The following RNF216 variants were observed in gnomAD, a reference collection of about 807,000 sequenced individuals.
The protein encoded by RNF216 is ring finger protein 216, also known as E3 ubiquitin-protein ligase RNF216.
Under a neutral mutation model 110.8 loss-of-function variants are expected in RNF216, and 72 were observed. That is an observed-to-expected ratio of 0.65 (90% CI 0.54 to 0.79). RNF216 has a LOEUF of 0.79. Ranked by LOEUF, RNF216 falls within the 30% of genes least tolerant of loss-of-function variation. The probability of loss-of-function intolerance (pLI) is 0.00; values close to 1 mark genes in which losing one functional copy is unlikely to be tolerated. For missense variants in RNF216, 1,342 were observed against 1,141.2 expected (o/e 1.18, Z -2.54); for synonymous variants, 495 against 407.5 (o/e 1.21, Z -2.59).
Position 5,650,192 on chromosome 7 carries a change from G to A in RNF216, c.2159+2221C>T, listed in dbSNP as rs1293563598. Among the ~76,000 whole-genome samples the A allele has an allele frequency of 8.5e-5, 13 of 152,264 alleles. No individual in the cohort carries two copies. The East Asian group carries it at 2.5e-3, about 29-fold the overall frequency. On this transcript the variant is annotated intron_variant, in intron 14 of 16. Coordinates refer to ENST00000389902, the MANE Select transcript of RNF216 (RefSeq NM_207111.4). ...TGACAGAAGCATCCTCTATCACTAAGGAAGAAGCCCAACATTTGGGAGGCT... is the reference window on the plus strand; with the variant it reads ...TGACAGAAGCATCCTCTATCACTAAAGAAGAAGCCCAACATTTGGGAGGCT...
In RNF216 at chr7:5,741,551, G is replaced by T; in HGVS notation, c.466C>A (p.Pro156Thr). 6.2e-7 allele frequency: 1 copy of T among 1,614,142 alleles called. No homozygotes were observed. The highest frequency in any genetic ancestry group is 1.3e-5 in the African/African-American group (1 of 75,034). Residue 156 changes from proline (P) to threonine (T), a missense_variant, in exon 4 of 17, where the codon CCC (proline) becomes ACC (threonine). By Grantham distance (38) the Pro-to-Thr change is conservative (BLOSUM62 -1). Coordinates refer to ENST00000389902, the MANE Select transcript of RNF216 (RefSeq NM_207111.4). The part of the protein sequence containing the change: ...TKPSGQTERE[P>T]KPGPSHNQAA... ...TGGTTATGACTCGGTCCAGGCTTGG[G>T]TTCTCTTTCTGTTTGGCCACTTGGC... is the stretch of plus-strand genomic sequence containing the variant.
intron 1 of RNF216, among the ~76,000 whole-genome samples, chr7:5,779,787 C>T (rs1268679525): frequency 5.5e-5 from 8 of 145,424 alleles, no homozygotes; most frequent in African/African-American, 2.0e-4. Flanking sequence ...AGAGATGGCA[C>T]CACTGCACTT....
At chr7:5,639,430 T>A (rs542487706) in intron 15 of RNF216, among the ~76,000 whole-genome samples, 1 of 152,200 alleles carries the variant, frequency 6.6e-6, no homozygotes, top group African/African-American at 2.4e-5. Context: ...GAACCCAAAG[T>A]GCCGGGATTA....
At chr7:5,756,412 G>A (rs1795646816) in intron 2 of RNF216, among the ~76,000 whole-genome samples, 1 of 152,134 alleles carries the variant, frequency 6.6e-6, no homozygotes, top group South Asian at 2.1e-4. Context: ...GGCCCGCGAG[G>A]CTAAAATATT....
intron 10 of RNF216, among the ~76,000 whole-genome samples, chr7:5,716,280 T>C (rs1793057381): frequency 6.6e-6 from 1 of 151,890 alleles, no homozygotes; most frequent in African/African-American, 2.4e-5. Context: ...GAGGTTGAGA[T>C]GGGTGGATCA....
chr7:5,725,423 T>A lies in RNF216; in HGVS notation c.1405A>T (p.Ile469Phe), dbSNP rs1225278715. 6.2e-7 allele frequency: 1 copy of A among 1,610,418 alleles called. No homozygotes were observed. The highest frequency in any genetic ancestry group is 1.3e-5 in the African/African-American group (1 of 74,858). Reference protein sequence around the residue: ...AITRKALSDAIKKWQELSPET... With the variant: ...AITRKALSDAFKKWQELSPET... ...GGTGACAGCTCCTGCCATTTTTTAA[T>A]GGCATCAGACAAGGCCTAAAAATTG... The change falls in exon 8 of 17, where the codon ATT (isoleucine) becomes TTT (phenylalanine). Residue 469 changes from isoleucine (I) to phenylalanine (F), a missense_variant. Coordinates refer to ENST00000389902, the MANE Select transcript of RNF216 (RefSeq NM_207111.4).
chr7:5,723,201 G>C (rs1448004285), intron 8 of RNF216, among the ~76,000 whole-genome samples: 2 of 152,090 alleles, frequency 1.3e-5, no homozygotes, highest in South Asian at 2.1e-4. Flanking sequence ...AAAGTGACTG[G>C]TACATATTAA....
intron 5 of RNF216, among the ~76,000 whole-genome samples, chr7:5,735,237 G>A (rs1482592168): frequency 1.3e-5 from 2 of 152,148 alleles, no homozygotes; most frequent in African/African-American, 4.8e-5. Context: ...TGCCCTTGGG[G>A]ACTTGAAAGA....
At chr7:5,685,848 G>C (rs1186156449) in intron 13 of RNF216, among the ~76,000 whole-genome samples, 1 of 152,182 alleles carries the variant, frequency 6.6e-6, no homozygotes, top group Non-Finnish European at 1.5e-5. Flanking sequence ...CTGGACAAAA[G>C]CAAAACATTT....
chr7:5,770,797 A>G (rs1157947209), intron 1 of RNF216, among the ~76,000 whole-genome samples: 1 of 151,874 alleles, frequency 6.6e-6, no homozygotes, highest in Non-Finnish European at 1.5e-5. Flanking sequence ...AGTGCAGAAC[A>G]GATTCTTTTT....
rs563331960 is a variant in RNF216 at position 5,696,577 on chromosome 7, G to A, written c.2061+15184C>T. Among the ~76,000 whole-genome samples the A allele has an allele frequency of 2.0e-5, 3 of 152,258 alleles. No homozygotes were observed. The highest frequency in any genetic ancestry group is 1.9e-4 in the East Asian group (1 of 5,188). ...CTCCTAGACACGCGTGCCCAAGATCGTGTCCTATGGTCTCGCTTCGGCCGC... is the reference window on the plus strand; with the variant it reads ...CTCCTAGACACGCGTGCCCAAGATCATGTCCTATGGTCTCGCTTCGGCCGC... On this transcript the variant is annotated intron_variant, in intron 13 of 16. Transcript: ENST00000389902. The surrounding 1 kb of genome is among the most constrained non-coding windows in gnomAD (Gnocchi z 5.4).
chr7:5,721,042 C>T lies in RNF216; in HGVS notation c.1635G>A (p.Glu545=), dbSNP rs1192867663. ...GAGCACATCTTCCTACCTCTGCCAT[C>T]TCTTTGATTTTCTGCTCATAGAACT... is the stretch of plus-strand genomic sequence containing the variant. The part of the protein sequence containing the change: ...EQEFYEQKIK[E]MAEHEDFLLA... Residue 545 remains glutamate, a synonymous_variant, in exon 9 of 17, where the codon GAG becomes GAA. Transcript: ENST00000389902. The T allele has an allele frequency of 6.2e-7, 1 of 1,614,076 alleles. No homozygotes were observed. Among genetic ancestry groups the T allele is most frequent in the Admixed American group, 1.7e-5 (1 of 59,994 alleles).
intron 14 of RNF216, among the ~76,000 whole-genome samples, chr7:5,649,087 G>T (rs1788224903): frequency 1.3e-5 from 2 of 152,134 alleles, no homozygotes; most frequent in African/African-American, 4.8e-5. Flanking sequence ...TTAAAAACAA[G>T]AAAGTGACGG....
chr7:5,640,088 G>A (rs2128566596), intron 15 of RNF216, among the ~76,000 whole-genome samples: 1 of 150,754 alleles, frequency 6.6e-6, no homozygotes, highest in South Asian at 2.1e-4. Flanking sequence ...AATGAGATGG[G>A]GGTCTCACTA....
At chr7:5,663,085 G>A (rs1789255197) in intron 13 of RNF216, among the ~76,000 whole-genome samples, 1 of 152,134 alleles carries the variant, frequency 6.6e-6, no homozygotes, top group African/African-American at 2.4e-5. Flanking sequence ...AAACCCAAAT[G>A]ACCCGGGAAG....
intron 9 of RNF216, among the ~76,000 whole-genome samples, chr7:5,720,459 T>C (rs748854238): frequency 5.3e-5 from 8 of 152,226 alleles, no homozygotes; most frequent in Non-Finnish European, 8.8e-5. Context: ...TCGACTATTA[T>C]GGGTAAGGCT....
At chr7:5,756,841 G>A (rs545182921) in intron 2 of RNF216, among the ~76,000 whole-genome samples, 2 of 151,876 alleles carry the variant, frequency 1.3e-5, no homozygotes, top group African/African-American at 2.4e-5. Flanking sequence ...TCACCATGTC[G>A]CCCAGGCTGG....
At chr7:5,729,951 G>C (rs143348337) in intron 6 of RNF216, among the ~76,000 whole-genome samples, 1,995 of 152,266 alleles carry the variant, frequency 0.013, 19 homozygotes, top group Middle Eastern at 0.061. Context: ...TCAAGCAACA[G>C]ATCTTAATAA....
intron 9 of RNF216, among the ~76,000 whole-genome samples, chr7:5,718,374 C>A (rs1793197935): frequency 6.6e-6 from 1 of 152,120 alleles, no homozygotes; most frequent in South Asian, 2.1e-4. Flanking sequence ...AAGCGAGACT[C>A]CGTCTCAAAA....
Sources: allele counts gnomAD v4.1 joint callset (sites outside exome capture counted in the v4.1 genomes callset), GRCh38; gene constraint gnomAD v4.1.1; non-coding constraint Gnocchi (gnomAD v3.1); transcripts MANE v1.5; gene names NCBI Gene and HGNC (gene_info 2026-07-23, HGNC 2026-07-21).